NTM: variants seen among roughly 807,000 people sequenced by gnomAD.
NTM encodes IgLON family member 2.
NTM carries 13 observed loss-of-function variants against 42.1 expected under a neutral mutation model. That is an observed-to-expected ratio of 0.31 (90% CI 0.20 to 0.49). NTM has a LOEUF of 0.49. Ranked by LOEUF, NTM falls within the 20% of genes least tolerant of loss-of-function variation. NTM has a pLI of 0.99. For missense variants in NTM, 373 were observed against 452.8 expected, an observed-to-expected ratio of 0.82 and a Z score of 1.60; for synonymous variants, 187 against 179.2, an observed-to-expected ratio of 1.04 and a Z score of -0.35.
chr11:131,586,590 T>A (rs4937638), intron 1 of NTM, among the ~76,000 whole-genome samples: 52,335 of 151,984 alleles, frequency 0.34, 10,186 homozygotes, highest in East Asian at 0.51. Context: ...AGACTGACTG[T>A]AACCTTAGGA....
intron 1 of NTM, among the ~76,000 whole-genome samples, chr11:131,447,909 T>C (rs1950184603): frequency 6.6e-6 from 1 of 152,208 alleles, no homozygotes; most frequent in African/African-American, 2.4e-5. Flanking sequence ...TCTGCATCTC[T>C]GCTCCACTTC....
intron 2 of NTM, among the ~76,000 whole-genome samples, chr11:132,036,195 G>A (rs11222874): frequency 0.19 from 28,474 of 152,102 alleles, 3,390 homozygotes; most frequent in Non-Finnish European, 0.26. Flanking sequence ...GGACAGAAAC[G>A]AGTTGGGATA....
intron 2 of NTM, among the ~76,000 whole-genome samples, chr11:131,933,486 C>T (rs902045650): frequency 5.9e-5 from 9 of 152,106 alleles, no homozygotes; most frequent in East Asian, 1.9e-4. Flanking sequence ...GTTAAAGGTA[C>T]GAAACGCACT....
chr11:132,242,506 A>C lies in NTM; in HGVS notation c.526+30359A>C, dbSNP rs77933761. Among the ~76,000 whole-genome samples, 800 of 152,354 alleles carry C rather than the reference A, an allele frequency of 5.3e-3. 5 individuals carry two copies. Among genetic ancestry groups the C allele is most frequent in the Middle Eastern group, 0.014 (4 of 294 alleles). On this transcript the variant is annotated intron_variant, in intron 4 of 8. Coordinates refer to ENST00000683400, the MANE Select transcript of NTM (RefSeq NM_001352005.2). Reference sequence around the variant, plus strand: ...AGAGGTGTCATTTGGGCGTCTCGCTAGTTTTTCTTCTATCCTGGTTATCAA... The same window carrying C: ...AGAGGTGTCATTTGGGCGTCTCGCTCGTTTTTCTTCTATCCTGGTTATCAA...
At chr11:132,266,320 G>A (rs1017140768) in intron 4 of NTM, among the ~76,000 whole-genome samples, 1 of 152,180 alleles carries the variant, frequency 6.6e-6, no homozygotes, top group African/African-American at 2.4e-5. Context: ...CTAAGGCACA[G>A]GCATAGCCAT....
At chr11:131,480,159 A>G (rs1172964763) in intron 1 of NTM, among the ~76,000 whole-genome samples, 2 of 138,574 alleles carry the variant, frequency 1.4e-5, no homozygotes, top group Non-Finnish European at 3.2e-5. Flanking sequence ...GCACTTTCTT[A>G]AATTTCGTAC....
intron 1 of NTM, among the ~76,000 whole-genome samples, chr11:131,501,611 C>A (rs2136374294): frequency 6.6e-6 from 1 of 152,144 alleles, no homozygotes; most frequent in Admixed American, 6.5e-5. Flanking sequence ...TTAGAGAGAC[C>A]AATGACAATA....
chr11:132,242,428 T>TGGTG (rs2090369313), intron 4 of NTM, among the ~76,000 whole-genome samples: 1 of 152,068 alleles, frequency 6.6e-6, no homozygotes, highest in Non-Finnish European at 1.5e-5. Flanking sequence ...GTTAAAAAAA[T>TGGTG]GGTGGGTGGG....
At chr11:131,602,706 G>A (rs1002814814) in intron 1 of NTM, among the ~76,000 whole-genome samples, 1 of 152,000 alleles carries the variant, frequency 6.6e-6, no homozygotes, top group Non-Finnish European at 1.5e-5. Context: ...ATCTCCACTT[G>A]GACACCTTTC....
At chr11:131,853,025 G>A (rs907101309) in intron 1 of NTM, among the ~76,000 whole-genome samples, 5 of 147,382 alleles carry the variant, frequency 3.4e-5, no homozygotes, top group South Asian at 4.4e-4. Flanking sequence ...ATTCTCCCAC[G>A]CACCCATCCA....
In NTM at chr11:132,324,685, G is replaced by A. The variant is rs1372507458; in HGVS notation, c.935-5468G>A. ...TGGAAAAAAAACTAAAGTTCATACG[G>A]AACCAAAAAAGAGCCTGCATCGCCA... On this transcript the variant is annotated intron_variant, in intron 7 of 8. Coordinates refer to ENST00000683400, the MANE Select transcript of NTM (RefSeq NM_001352005.2). Among the ~76,000 whole-genome samples the A allele has an allele frequency of 5.4e-4, 68 of 124,864 alleles. 2 individuals are homozygous for A. In the South Asian group the frequency reaches 0.016, roughly 30 times the overall value. 81.9% of individuals were successfully genotyped at this position (124,864 alleles called of 152,430 possible).
intron 3 of NTM, among the ~76,000 whole-genome samples, chr11:132,151,880 T>C (rs1164917681): frequency 6.6e-6 from 1 of 152,198 alleles, no homozygotes; most frequent in East Asian, 1.9e-4. Context: ...GCCCAGGCAG[T>C]GACTTGCAAA....
chr11:131,746,527 TC>T (rs1317620811), intron 1 of NTM, among the ~76,000 whole-genome samples: 1 of 152,220 alleles, frequency 6.6e-6, no homozygotes. Context: ...AGTTTGCCTT[TC>T]TTGATCCTTA....
At chr11:131,593,502 G>T (rs2059561427) in intron 1 of NTM, among the ~76,000 whole-genome samples, 1 of 152,184 alleles carries the variant, frequency 6.6e-6, no homozygotes, top group Non-Finnish European at 1.5e-5. Context: ...CAAGCCAAGT[G>T]TAAAGGCTCC....
chr11:131,836,594 G>A (rs1445294536), intron 1 of NTM, among the ~76,000 whole-genome samples: 4 of 152,158 alleles, frequency 2.6e-5, no homozygotes, highest in Non-Finnish European at 4.4e-5. Flanking sequence ...CTTTTCCAAT[G>A]AGCACATTCC....
At chr11:132,011,933 T>C (rs1406150915) in intron 2 of NTM, among the ~76,000 whole-genome samples, 10 of 152,234 alleles carry the variant, frequency 6.6e-5, no homozygotes, top group African/African-American at 2.2e-4. Context: ...AATTGTTCTT[T>C]TATTGCAAAT....
At chr11:131,789,424 AAGAAGG>A (rs746226470) in intron 1 of NTM, among the ~76,000 whole-genome samples, 247 of 22,094 alleles carry the variant, frequency 0.011, 57 homozygotes, top group African/African-American at 0.027. Flanking sequence ...AGAAAAAAAG[AAGAAGG>A]AAGAAGAAGA....
intron 1 of NTM, among the ~76,000 whole-genome samples, chr11:131,520,958 G>T (rs1232689154): frequency 6.6e-6 from 1 of 152,104 alleles, no homozygotes; most frequent in Non-Finnish European, 1.5e-5. Flanking sequence ...GGAAGCTTCC[G>T]ATCATGATGG....
chr11:132,046,458 T>C (rs2078010024), intron 2 of NTM, among the ~76,000 whole-genome samples: 1 of 152,148 alleles, frequency 6.6e-6, no homozygotes, highest in Admixed American at 6.5e-5. Context: ...CATACATCTT[T>C]ACTGCTGTGA....
Sources: allele counts gnomAD v4.1 joint callset (sites outside exome capture counted in the v4.1 genomes callset), GRCh38; gene constraint gnomAD v4.1.1; transcripts MANE v1.5; gene names NCBI Gene and HGNC (gene_info 2026-07-23, HGNC 2026-07-21).